PIP5K1C: variants seen among roughly 807,000 people sequenced by gnomAD.
PIP5K1C encodes phosphatidylinositol 4-phosphate 5-kinase type-1 gamma.
A neutral mutation model predicts 80.1 loss-of-function variants in PIP5K1C; 45 were observed. The ratio of observed to expected loss-of-function variants is 0.56; its 90% CI spans 0.44 to 0.72. PIP5K1C has a LOEUF of 0.72. Ranked by LOEUF, PIP5K1C falls within the 30% of genes least tolerant of loss-of-function variation. The pLI is 0.00. For synonymous variants in PIP5K1C, 498 were observed against 420.1 expected (o/e 1.19, Z -2.27); for missense variants, 753 against 954.6 (o/e 0.79, Z 2.78).
chr19:3,675,791 A>G (rs570807743), intron 1 of PIP5K1C, among the ~76,000 whole-genome samples: 2 of 152,182 alleles, frequency 1.3e-5, no homozygotes, highest in East Asian at 3.9e-4. Context: ...CGTCCTGGGC[A>G]CTGCAGGGTG....
In PIP5K1C at chr19:3,696,334, A is replaced by G. The variant is rs1345507171; in HGVS notation, c.94+3963T>C. On this transcript the variant is annotated intron_variant, in intron 1 of 17. Coordinates refer to ENST00000335312, the MANE Select transcript of PIP5K1C (RefSeq NM_012398.3). The surrounding 1 kb of genome is among the most constrained non-coding windows in gnomAD (Gnocchi z 4.1). The stretch of plus-strand genomic sequence containing the variant: ...CTCTTCCGGGCGCAGGGGATGCCGC[A>G]GGAGTGGCACAGACGGTCTTGGCCC... Among the ~76,000 whole-genome samples, 1 of 152,258 alleles carries G rather than the reference A, an allele frequency of 6.6e-6. No homozygotes were observed. The highest frequency in any genetic ancestry group is 1.5e-5 in the Non-Finnish European group (1 of 68,054).
Position 3,633,509 on chromosome 19 carries a change from C to T in PIP5K1C, c.1932G>A (p.Glu644=). 6.7e-7 allele frequency: 1 copy of T among 1,494,886 alleles called. No homozygotes were observed. The highest frequency in any genetic ancestry group is 9.0e-7 in the Non-Finnish European group (1 of 1,117,308). The allele number at this position is 1,494,886 out of a possible 1,614,324, so 92.6% of individuals were successfully genotyped here. A position where few individuals can be genotyped will look rare whatever the true frequency, so the allele number is the denominator to read the frequency against. Residue 644 remains glutamate, a synonymous_variant, in exon 17 of 18, where the codon GAG becomes GAA. Coordinates refer to ENST00000335312, the MANE Select transcript of PIP5K1C (RefSeq NM_012398.3). ...GGAGCGGGGAGTACACCCAGCTCCT[C>T]TCATCGGTGGGCTGGCAGGTGGGCG... The part of the protein sequence containing the change: ...PATDIYFPTD[E]RSWVYSPLHY...
intron 1 of PIP5K1C, among the ~76,000 whole-genome samples, chr19:3,671,424 CCT>C (rs1459449035): frequency 3.3e-5 from 5 of 152,250 alleles, no homozygotes; most frequent in Non-Finnish European, 4.4e-5. Context: ...CCTCAGTTTC[CCT>C]CTGTGGTTCC....
chr19:3,633,630 C>T (rs1435784461), intron 16 of PIP5K1C, 110 bp from the exon 17 acceptor site: 1 of 698,500 alleles, frequency 1.4e-6, no homozygotes, highest in Admixed American at 3.8e-5. Flanking sequence ...GAGGCGAATC[C>T]CCCATGGAAG....
intron 8 of PIP5K1C, among the ~76,000 whole-genome samples, chr19:3,651,510 C>T (rs900130333): frequency 6.6e-6 from 1 of 152,214 alleles, no homozygotes; most frequent in Non-Finnish European, 1.5e-5. Flanking sequence ...CGTGTAGACC[C>T]CTCTGAGTGC....
At chr19:3,678,571 G>C (rs1282555717) in intron 1 of PIP5K1C, among the ~76,000 whole-genome samples, 1 of 100,630 alleles carries the variant, frequency 9.9e-6, no homozygotes, top group Non-Finnish European at 2.0e-5. Flanking sequence ...GGGATGGAGG[G>C]AGGGATGGAG....
intron 1 of PIP5K1C, among the ~76,000 whole-genome samples, chr19:3,682,416 A>G (rs1188761445): frequency 1.3e-5 from 2 of 151,246 alleles, no homozygotes; most frequent in African/African-American, 2.4e-5. Context: ...CGCAGTTCTC[A>G]TACCTGTCAT....
chr19:3,691,598 C>A (rs892803175), intron 1 of PIP5K1C, among the ~76,000 whole-genome samples: 1 of 152,206 alleles, frequency 6.6e-6, no homozygotes, highest in Non-Finnish European at 1.5e-5. Flanking sequence ...CCATCTACCC[C>A]GCCTGGCCCG....
intron 5 of PIP5K1C, among the ~76,000 whole-genome samples, chr19:3,658,518 GAC>G (rs1167826685): frequency 5.3e-5 from 8 of 152,246 alleles, no homozygotes; most frequent in Non-Finnish European, 1.2e-4. Context: ...CAGCCTCCCA[GAC>G]ACAGGCGCAG....
At chr19:3,674,728 C>T (rs2035307598) in intron 1 of PIP5K1C, among the ~76,000 whole-genome samples, 1 of 152,244 alleles carries the variant, frequency 6.6e-6, no homozygotes, top group Non-Finnish European at 1.5e-5. Context: ...GTCTCAATCT[C>T]TTGACCTCGT....
At chr19:3,658,823 G>A (rs990129057) in intron 5 of PIP5K1C, among the ~76,000 whole-genome samples, 3 of 152,226 alleles carry the variant, frequency 2.0e-5, no homozygotes, top group Admixed American at 6.5e-5. Context: ...GCAGTTGCAG[G>A]GCTATGGCCT....
rs55774465 is a variant in PIP5K1C at position 3,630,540 on chromosome 19, C to T, written c.*2627G>A. 0.025 allele frequency: 3,794 copies of T among 152,434 alleles called. 72 individuals are homozygous for T. The highest frequency in any genetic ancestry group is 0.065 in the South Asian group (309 of 4,788). The allele number at this position is 152,434 out of a possible 1,614,324, so 9.4% of individuals were successfully genotyped here. On this transcript the variant is annotated 3_prime_UTR_variant, in exon 18 of 18. Coordinates refer to ENST00000335312, the MANE Select transcript of PIP5K1C (RefSeq NM_012398.3). ...TGAGGAGGAGGTGGCAGGCGCCTCT[C>T]CTGGGGTGGGGACTGAGGGCTGTGG... is the stretch of plus-strand genomic sequence containing the variant.
At chr19:3,677,590 A>C (rs549791035) in intron 1 of PIP5K1C, among the ~76,000 whole-genome samples, 1 of 151,562 alleles carries the variant, frequency 6.6e-6, no homozygotes. Context: ...CTCAAAAAAA[A>C]AGAGACAGTG....
intron 1 of PIP5K1C, chr19:3,673,741 C>T (rs543150322): frequency 6.6e-6 from 1 of 152,420 alleles, no homozygotes; most frequent in South Asian, 2.1e-4. Flanking sequence ...GCCGTGCAGG[C>T]CTCCGACCAT....
Position 3,661,022 on chromosome 19 carries a change from G to A in PIP5K1C, c.412C>T (p.Pro138Ser). 6.2e-7 allele frequency: 1 copy of A among 1,614,124 alleles called. No homozygotes were observed. The highest frequency in any genetic ancestry group is 8.5e-7 in the Non-Finnish European group (1 of 1,179,992). ...FQDFRFKTYA[P>S]VAFRYFRELF... ...TCCCGGAAGTAGCGGAAGGCGACAGGTGCATAGGTCTTGAAGCGGAAGTCC... is the reference window on the plus strand; with the variant it reads ...TCCCGGAAGTAGCGGAAGGCGACAGATGCATAGGTCTTGAAGCGGAAGTCC... The change falls in exon 5 of 18, where the codon CCT becomes TCT. Residue 138 changes from proline (P) to serine (S), a missense_variant. Pro to Ser is a moderately conservative substitution (Grantham distance 74, BLOSUM62 -1). This residue lies in a region of PIP5K1C where 139 missense variants were observed against 289.7 expected (regional missense o/e 0.48). Coordinates refer to ENST00000335312, the MANE Select transcript of PIP5K1C (RefSeq NM_012398.3).
chr19:3,681,410 C>T (rs1409736348), intron 1 of PIP5K1C, among the ~76,000 whole-genome samples: 1 of 151,908 alleles, frequency 6.6e-6, no homozygotes, highest in Non-Finnish European at 1.5e-5. Flanking sequence ...TTTTGTATTT[C>T]TAGTAGCGAC....
chr19:3,632,877 A>G lies in PIP5K1C; in HGVS notation c.*290T>C. On this transcript the variant is annotated 3_prime_UTR_variant, in exon 18 of 18. Transcript: ENST00000335312. ...TTGTGTCTTTTTTGTTCTTTTCCTA[A>G]AACGGCACACACGTGCTTCCGTCTC... 2.1e-6 allele frequency: 1 copy of G among 471,270 alleles called. No individual in the cohort carries two copies. Among genetic ancestry groups the G allele is most frequent in the Non-Finnish European group, 3.7e-6 (1 of 267,538 alleles). 29.2% of individuals were successfully genotyped at this position (471,270 alleles called of 1,614,324 possible).
At chr19:3,689,856 A>C (rs1186054715) in intron 1 of PIP5K1C, among the ~76,000 whole-genome samples, 1 of 152,096 alleles carries the variant, frequency 6.6e-6, no homozygotes, top group East Asian at 1.9e-4. Flanking sequence ...CCCCACACAC[A>C]GAATGATAAA....
intron 11 of PIP5K1C, among the ~76,000 whole-genome samples, 166 bp downstream of exon 11, chr19:3,645,808 C>T (rs879475283): frequency 3.9e-5 from 6 of 152,184 alleles, no homozygotes; most frequent in Non-Finnish European, 5.9e-5. Context: ...GCAAATATCC[C>T]GACTACCCTA....
Sources: allele counts gnomAD v4.1 joint callset (sites outside exome capture counted in the v4.1 genomes callset), GRCh38; gene constraint gnomAD v4.1.1; regional missense constraint gnomAD v4.1.1; non-coding constraint Gnocchi (gnomAD v3.1); transcripts MANE v1.5; gene names NCBI Gene and HGNC (gene_info 2026-07-23, HGNC 2026-07-21).